The following CACNA2D3 variants were observed in gnomAD, a reference collection of about 807,000 sequenced individuals.
CACNA2D3 encodes calcium voltage-gated channel auxiliary subunit alpha2delta 3, also known as voltage-dependent calcium channel subunit alpha-2/delta-3.
Under a neutral mutation model 160.6 loss-of-function variants are expected in CACNA2D3, and 60 were observed. That is an observed-to-expected ratio of 0.37 (90% CI 0.30 to 0.46). CACNA2D3 has a LOEUF of 0.46. Ranked by LOEUF, CACNA2D3 falls within the 20% of genes least tolerant of loss-of-function variation. The probability of loss-of-function intolerance (pLI) is 1.00; values close to 1 mark genes in which losing one functional copy is unlikely to be tolerated. For synonymous variants in CACNA2D3, 558 were observed against 492.9 expected (o/e 1.13, Z -1.75); for missense variants, 1,205 against 1,365.0 (o/e 0.88, Z 1.85).
chr3:54,888,139 T>G, intron 24 of CACNA2D3, 87 bp downstream of exon 24: 2 of 1,049,894 alleles, frequency 1.9e-6, no homozygotes. Context: ...CTAAACTGTT[T>G]TAGGAACCTG....
intron 29 of CACNA2D3, among the ~76,000 whole-genome samples, chr3:54,979,590 G>A (rs1175307784): frequency 6.6e-6 from 1 of 152,104 alleles, no homozygotes; most frequent in Non-Finnish European, 1.5e-5. Context: ...AAAAGGATCA[G>A]CAATGTTTTA....
intron 11 of CACNA2D3, among the ~76,000 whole-genome samples, chr3:54,671,005 A>G (rs1700150122): frequency 6.6e-6 from 1 of 152,128 alleles, no homozygotes; most frequent in Non-Finnish European, 1.5e-5. Context: ...ACAGAAATGT[A>G]TTTTTTGAGC....
intron 35 of CACNA2D3, among the ~76,000 whole-genome samples, chr3:55,026,986 T>TGCACGCACACACACAC (rs1320115779): frequency 1.4e-5 from 2 of 147,868 alleles, no homozygotes; most frequent in East Asian, 3.9e-4. Flanking sequence ...TAAGCGCGCA[T>TGCACGCACACACACAC]GCACGCACAC....
At chr3:54,761,896 G>C (rs374810520) in intron 12 of CACNA2D3, among the ~76,000 whole-genome samples, 2 of 152,142 alleles carry the variant, frequency 1.3e-5, no homozygotes, top group African/African-American at 4.8e-5. Context: ...GGTGGGTCCC[G>C]ACCCTTTCTG....
At chr3:54,211,403 C>A (rs549157517) in intron 2 of CACNA2D3, among the ~76,000 whole-genome samples, 4 of 152,274 alleles carry the variant, frequency 2.6e-5, no homozygotes, top group Admixed American at 1.3e-4. Context: ...GAATACCCTG[C>A]ACATACATCA....
chr3:54,423,997 G>T (rs993942027), intron 4 of CACNA2D3, among the ~76,000 whole-genome samples: 3 of 151,906 alleles, frequency 2.0e-5, no homozygotes, highest in Non-Finnish European at 4.4e-5. Context: ...GGTCAAGGGA[G>T]CACAGCTCAG....
intron 11 of CACNA2D3, among the ~76,000 whole-genome samples, chr3:54,729,544 C>A (rs1484690296): frequency 6.6e-6 from 1 of 152,190 alleles, no homozygotes; most frequent in African/African-American, 2.4e-5. Flanking sequence ...TGGTGGCAGA[C>A]ATCTGGATGC....
rs543843232 is a variant in CACNA2D3, at chr3:54,234,621, A to G, written c.205-85821A>G. 1.6e-3 allele frequency among the ~76,000 whole-genome samples: 248 copies of G among 152,336 alleles called. 2 individuals carry two copies. Among genetic ancestry groups the G allele is most frequent in the Middle Eastern group, 6.8e-3 (2 of 294 alleles). ...ATGGAATTAACCTACATGCCCATCA[A>G]TGATAGATTGGATAAAGAAAATGTG... On this transcript the variant is annotated intron_variant, in intron 2 of 37. Transcript: ENST00000474759.
intron 9 of CACNA2D3, among the ~76,000 whole-genome samples, chr3:54,605,004 C>T (rs1296952504): frequency 6.6e-6 from 1 of 152,182 alleles, no homozygotes; most frequent in Non-Finnish European, 1.5e-5. Context: ...CAGAGCCAAG[C>T]TTCCCCTGAA....
intron 20 of CACNA2D3, among the ~76,000 whole-genome samples, chr3:54,879,662 T>C (rs1044740445): frequency 6.6e-6 from 1 of 152,224 alleles, no homozygotes; most frequent in African/African-American, 2.4e-5. Flanking sequence ...CAAATATGCT[T>C]TGGGGGTTCC....
chr3:54,332,063 G>T (rs537451505), intron 3 of CACNA2D3, among the ~76,000 whole-genome samples: 1 of 152,242 alleles, frequency 6.6e-6, no homozygotes, highest in South Asian at 2.1e-4. Flanking sequence ...ATCTCTCTGC[G>T]CAGGCACCTT....
intron 2 of CACNA2D3, among the ~76,000 whole-genome samples, chr3:54,166,727 A>T (rs543672207): frequency 6.6e-6 from 1 of 152,342 alleles, no homozygotes; most frequent in East Asian, 1.9e-4. Flanking sequence ...CACTTATCAG[A>T]TAACTTTATG....
chr3:54,273,499 G>A (rs778648178), intron 2 of CACNA2D3, among the ~76,000 whole-genome samples: 12 of 151,906 alleles, frequency 7.9e-5, no homozygotes, highest in Non-Finnish European at 1.3e-4. Flanking sequence ...TGTTCCTTGC[G>A]TTCTGGCTCT....
intron 13 of CACNA2D3, among the ~76,000 whole-genome samples, chr3:54,813,750 T>C (rs1703386724): frequency 6.6e-6 from 1 of 152,074 alleles, no homozygotes; most frequent in South Asian, 2.1e-4. Flanking sequence ...AAGGCATTAC[T>C]TGAAAAAATT....
chr3:54,736,020 CATACAT>C (rs1473894228), intron 11 of CACNA2D3, among the ~76,000 whole-genome samples: 2 of 79,908 alleles, frequency 2.5e-5, no homozygotes, highest in African/African-American at 1.1e-4. Context: ...TATATATACA[CATACAT>C]ATATATATGT....
chr3:54,268,663 C>A (rs866093093), intron 2 of CACNA2D3, among the ~76,000 whole-genome samples: 7 of 152,138 alleles, frequency 4.6e-5, no homozygotes, highest in South Asian at 2.1e-4. Flanking sequence ...ACCCGCTTGG[C>A]CTCCCAAAGT....
At chr3:54,130,628 G>C (rs1454358973) in intron 2 of CACNA2D3, among the ~76,000 whole-genome samples, 1 of 152,174 alleles carries the variant, frequency 6.6e-6, no homozygotes, top group Non-Finnish European at 1.5e-5. Context: ...CGAAGCTGAG[G>C]CTGGCAGAAC....
intron 11 of CACNA2D3, among the ~76,000 whole-genome samples, chr3:54,648,823 G>T (rs1191855889): frequency 2.0e-5 from 3 of 152,168 alleles, no homozygotes; most frequent in African/African-American, 7.2e-5. Flanking sequence ...GAGAGAGGAG[G>T]AGGTAAGAGA....
intron 9 of CACNA2D3, among the ~76,000 whole-genome samples, chr3:54,599,234 C>T (rs1703018705): frequency 6.6e-6 from 1 of 152,142 alleles, no homozygotes; most frequent in Non-Finnish European, 1.5e-5. Flanking sequence ...TTCATTTGTT[C>T]ATCACATACT....
Sources: allele counts gnomAD v4.1 joint callset (sites outside exome capture counted in the v4.1 genomes callset), GRCh38; gene constraint gnomAD v4.1.1; transcripts MANE v1.5; gene names NCBI Gene and HGNC (gene_info 2026-07-23, HGNC 2026-07-21).